The following SORBS2 variants were observed in gnomAD, a reference collection of about 807,000 sequenced individuals.
SORBS2 encodes sorbin and SH3 domain-containing protein 2.
SORBS2 carries 46 observed loss-of-function variants against 97.7 expected under a neutral mutation model. The observed-to-expected ratio is 0.47, with a 90% CI of 0.37 to 0.60. SORBS2 has a LOEUF of 0.60. Ranked by LOEUF, SORBS2 falls within the 20% of genes least tolerant of loss-of-function variation. SORBS2 has a pLI of 0.00. For synonymous variants in SORBS2, 476 were observed against 473.4 expected, an observed-to-expected ratio of 1.01 and a Z score of -0.07; for missense variants, 1,316 against 1,282.3, an observed-to-expected ratio of 1.03 and a Z score of -0.40.
At chr4:185,806,909 C>A (rs1194915716) in intron 1 of SORBS2, among the ~76,000 whole-genome samples, 1 of 151,942 alleles carries the variant, frequency 6.6e-6, no homozygotes, top group Non-Finnish European at 1.5e-5. Context: ...TCAACTATTC[C>A]AGAAAAAATG....
chr4:185,766,028 G>A (rs1285899491), intron 2 of SORBS2, among the ~76,000 whole-genome samples: 4 of 152,074 alleles, frequency 2.6e-5, no homozygotes, highest in South Asian at 2.1e-4. Context: ...AGAAAACATC[G>A]AATTTCTGCT....
chr4:185,614,623 C>G (rs28695938), intron 11 of SORBS2: 8 of 554,552 alleles, frequency 1.4e-5, no homozygotes, highest in Non-Finnish European at 2.5e-5. Context: ...CCTGGTATCC[C>G]ACGGGGAACT....
intron 1 of SORBS2, among the ~76,000 whole-genome samples, chr4:185,946,002 C>A (rs538695785): frequency 6.6e-6 from 1 of 152,130 alleles, no homozygotes; most frequent in Non-Finnish European, 1.5e-5. Flanking sequence ...ACTTTGTAAT[C>A]CATGAGCAAA....
intron 2 of SORBS2, among the ~76,000 whole-genome samples, chr4:185,768,125 C>T (rs1477497035): frequency 6.6e-6 from 1 of 152,136 alleles, no homozygotes; most frequent in East Asian, 1.9e-4. Flanking sequence ...TTCACATTGC[C>T]CATCTTCTTT....
chr4:185,644,384 A>C (rs1359527066), intron 4 of SORBS2, among the ~76,000 whole-genome samples: 1 of 152,230 alleles, frequency 6.6e-6, no homozygotes, highest in Non-Finnish European at 1.5e-5. Flanking sequence ...GTTTCTGATA[A>C]AGTAAATCAA....
Position 185,738,473 on chromosome 4 carries a change from G to T in SORBS2, c.-198+36754C>A, listed in dbSNP as rs186831107. Among the ~76,000 whole-genome samples the T allele has an allele frequency of 4.7e-3, 712 of 152,294 alleles. 6 individuals carry two copies. Among genetic ancestry groups the T allele is most frequent in the South Asian group, 0.011 (51 of 4,828 alleles). On this transcript the variant is annotated intron_variant, in intron 2 of 20. Coordinates refer to the SORBS2 transcript ENST00000284776. ...GCTGTGTGGTTTTGCAACCGGGCAAGTTTCGAAATATTTTTAAGCTTTCTA... is the reference window on the plus strand; with the variant it reads ...GCTGTGTGGTTTTGCAACCGGGCAATTTTCGAAATATTTTTAAGCTTTCTA...
intron 12 of SORBS2, among the ~76,000 whole-genome samples, chr4:185,604,525 G>A (rs1012110805): frequency 3.9e-5 from 6 of 152,132 alleles, no homozygotes; most frequent in African/African-American, 1.4e-4. Flanking sequence ...AGAAAATGAC[G>A]GAGGCTTAAA....
At chr4:185,906,555 A>G (rs943544595) in intron 1 of SORBS2, among the ~76,000 whole-genome samples, 38 of 152,234 alleles carry the variant, frequency 2.5e-4, no homozygotes, top group Non-Finnish European at 1.0e-4. Flanking sequence ...ATAAACACAT[A>G]CTGAAATCAT....
chr4:185,874,522 A>G (rs1039956520), intron 1 of SORBS2, among the ~76,000 whole-genome samples: 4 of 152,148 alleles, frequency 2.6e-5, no homozygotes, highest in Non-Finnish European at 1.5e-5. Flanking sequence ...CATACTTATG[A>G]TTTCCAAATT....
At chr4:185,838,362 C>G (rs2099209412) in intron 1 of SORBS2, among the ~76,000 whole-genome samples, 1 of 152,234 alleles carries the variant, frequency 6.6e-6, no homozygotes, top group Non-Finnish European at 1.5e-5. Context: ...GGGCAGGCCA[C>G]CATCATGCCA....
chr4:185,598,171 G>A (rs563244388), intron 12 of SORBS2, among the ~76,000 whole-genome samples: 1 of 152,198 alleles, frequency 6.6e-6, no homozygotes, highest in East Asian at 1.9e-4. Context: ...CACTGTGCTG[G>A]GCATTTTGAA....
At chr4:185,817,582 T>C (rs1431896215) in intron 1 of SORBS2, among the ~76,000 whole-genome samples, 1 of 152,182 alleles carries the variant, frequency 6.6e-6, no homozygotes, top group African/African-American at 2.4e-5. Context: ...CCCAGGTACT[T>C]CCGGGCAACG....
chr4:185,680,045 G>T (rs763529240), intron 2 of SORBS2, among the ~76,000 whole-genome samples: 5 of 152,184 alleles, frequency 3.3e-5, no homozygotes, highest in Non-Finnish European at 5.9e-5. Flanking sequence ...TGATAACTTG[G>T]TATGGATTTT....
intron 1 of SORBS2, chr4:185,933,167 G>C (rs183834615): frequency 6.6e-6 from 1 of 152,322 alleles, no homozygotes; most frequent in Admixed American, 6.5e-5. Flanking sequence ...CACAGTCCCA[G>C]CAGTGTCTCC....
intron 1 of SORBS2, among the ~76,000 whole-genome samples, chr4:185,934,750 C>G (rs918068979): frequency 5.3e-5 from 8 of 150,176 alleles, no homozygotes; most frequent in Middle Eastern, 3.2e-3. Context: ...CACCACTGGA[C>G]TCCAGCCTGG....
At chr4:185,637,301 C>A (rs1399809109) in intron 4 of SORBS2, among the ~76,000 whole-genome samples, 1 of 152,196 alleles carries the variant, frequency 6.6e-6, no homozygotes. Flanking sequence ...CAGGAACCTG[C>A]TGTACAGGTT....
chr4:185,674,450 C>T (rs896209708), intron 4 of SORBS2, among the ~76,000 whole-genome samples: 14 of 152,294 alleles, frequency 9.2e-5, no homozygotes, highest in South Asian at 2.1e-4. Context: ...TAAAGGACTG[C>T]AGTAGTTACC....
At chr4:185,840,840 G>A (rs1226291649) in intron 1 of SORBS2, among the ~76,000 whole-genome samples, 3 of 152,128 alleles carry the variant, frequency 2.0e-5, no homozygotes, top group Admixed American at 6.5e-5. Flanking sequence ...TAGGAGGGAG[G>A]CAGACCCATA....
chr4:185,698,450 A>C (rs1375456476), intron 2 of SORBS2, among the ~76,000 whole-genome samples: 1 of 152,092 alleles, frequency 6.6e-6, no homozygotes, highest in African/African-American at 2.4e-5. Flanking sequence ...CCGAGATCGC[A>C]CCATTGCACT....
Sources: gnomAD v4.1 joint callset for allele counts (sites outside exome capture counted in the v4.1 genomes callset) on GRCh38, gnomAD v4.1.1 for gene constraint, MANE v1.5 for transcripts, NCBI Gene and HGNC (gene_info 2026-07-23, HGNC 2026-07-21) for gene names.